The following TRPC3 variants were observed in gnomAD, a reference collection of about 807,000 sequenced individuals.
TRPC3 encodes transient receptor potential cation channel subfamily C member 3, also known as short transient receptor potential channel 3.
TRPC3 carries 54 observed loss-of-function variants against 90.9 expected under a neutral mutation model. The ratio of observed to expected loss-of-function variants is 0.59; its 90% confidence interval spans 0.48 to 0.75. The LOEUF (loss-of-function observed/expected upper bound fraction) is 0.75, where lower values mean the gene tolerates loss of function less well. Among genes scored for constraint, TRPC3 ranks in the 30% least tolerant of loss-of-function variants. TRPC3 has a pLI of 0.00. For missense variants in TRPC3, 918 were observed against 1,194.5 expected (o/e 0.77, Z 3.41); for synonymous variants, 424 against 450.9 (o/e 0.94, Z 0.75).
intron 10 of TRPC3, among the ~76,000 whole-genome samples, chr4:121,891,952 C>T (rs983565117): frequency 7.9e-5 from 12 of 152,106 alleles, no homozygotes; most frequent in African/African-American, 2.7e-4. Context: ...ATAAATAATC[C>T]TTTTTTCCCC....
At chr4:121,894,511 T>C (rs1209362426) in intron 10 of TRPC3, among the ~76,000 whole-genome samples, 1 of 149,814 alleles carries the variant, frequency 6.7e-6, no homozygotes, top group East Asian at 2.0e-4. Context: ...ACCAAAAATA[T>C]ATTTACAGAA....
intron 10 of TRPC3, among the ~76,000 whole-genome samples, chr4:121,889,827 A>G (rs1398333732): frequency 6.6e-6 from 1 of 152,226 alleles, no homozygotes; most frequent in African/African-American, 2.4e-5. Context: ...ATATACCCAA[A>G]GGAAATGAAA....
At chr4:121,940,270 CCTAAT>C (rs1275560067) in intron 1 of TRPC3, among the ~76,000 whole-genome samples, 3 of 152,130 alleles carry the variant, frequency 2.0e-5, no homozygotes, top group African/African-American at 7.2e-5. Flanking sequence ...GACTTAATTG[CCTAAT>C]TTATTGATTG....
chr4:121,911,692 T>C (rs1040051989), intron 5 of TRPC3, among the ~76,000 whole-genome samples, 185 bp downstream of exon 5: 3 of 152,194 alleles, frequency 2.0e-5, no homozygotes, highest in Admixed American at 1.3e-4. Flanking sequence ...TATGTAGTGT[T>C]AAGGGACACC....
chr4:121,923,982 C>G (rs1181353570), intron 3 of TRPC3, among the ~76,000 whole-genome samples: 1 of 151,566 alleles, frequency 6.6e-6, no homozygotes, highest in Non-Finnish European at 1.5e-5. Context: ...TGAAACATAA[C>G]TACAATTTTT....
In TRPC3 at chr4:121,894,064, G is replaced by C. The variant is rs146441061; in HGVS notation, c.2547+5548C>G. Among the ~76,000 whole-genome samples the C allele has an allele frequency of 4.0e-3, 608 of 152,148 alleles. 6 individuals carry two copies. The highest frequency in any genetic ancestry group is 0.014 in the African/African-American group (583 of 41,534). On this transcript the variant is annotated intron_variant, in intron 10 of 11. Transcript: ENST00000379645. ...TTAAAATTCAAATATACTTTAACCA[G>C]ACAATTCCATGTATTTGTTCATGAT...
In TRPC3 at chr4:121,951,568, C is replaced by G; in HGVS notation, c.113G>C (p.Arg38Pro). The G allele has an allele frequency of 6.9e-7, 1 of 1,446,404 alleles. No homozygotes were observed. Among genetic ancestry groups the G allele is most frequent in the Non-Finnish European group, 9.1e-7 (1 of 1,095,802 alleles). 89.6% of individuals were successfully genotyped at this position (1,446,404 alleles called of 1,614,324 possible). A position where few individuals can be genotyped will look rare whatever the true frequency, so the allele number is the denominator to read the frequency against. Residue 38 changes from arginine to proline, a missense_variant, in exon 1 of 12, where the codon CGG becomes CCG. Arg to Pro is a moderately radical substitution (Grantham distance 103). Coordinates refer to ENST00000379645, the MANE Select transcript of TRPC3 (RefSeq NM_001130698.2). The surrounding 1 kb of genome is among the most constrained non-coding windows in gnomAD (Gnocchi z 4.4). Reference protein sequence around the residue: ...DEGAEPQRRRRGWRGVNGGLE... With the variant: ...DEGAEPQRRRPGWRGVNGGLE... ...CCCCCCGTTGACGCCCCTCCAGCCC[C>G]GGCGGCGGCGCTGCGGCTCCGCGCC...
intron 3 of TRPC3, among the ~76,000 whole-genome samples, chr4:121,922,191 G>T (rs1484442034): frequency 6.6e-6 from 1 of 152,034 alleles, no homozygotes; most frequent in Non-Finnish European, 1.5e-5. Flanking sequence ...CAAAGTGCTG[G>T]GATTACAGGT....
chr4:121,940,093 G>A (rs996238859), intron 1 of TRPC3, among the ~76,000 whole-genome samples: 1 of 152,166 alleles, frequency 6.6e-6, no homozygotes, highest in Non-Finnish European at 1.5e-5. Context: ...AGGCCACTGA[G>A]ACTCTGAGCC....
intron 11 of TRPC3, among the ~76,000 whole-genome samples, chr4:121,881,194 C>T (rs1727930704): frequency 6.6e-6 from 1 of 152,136 alleles, no homozygotes; most frequent in East Asian, 1.9e-4. Flanking sequence ...ATTCAGGAAA[C>T]ACAAGTTACT....
intron 11 of TRPC3, among the ~76,000 whole-genome samples, chr4:121,881,954 G>A (rs991579809): frequency 2.0e-5 from 3 of 152,068 alleles, no homozygotes; most frequent in Non-Finnish European, 4.4e-5. Flanking sequence ...TAAAACAGAG[G>A]TTTTCCTGAA....
intron 1 of TRPC3, among the ~76,000 whole-genome samples, chr4:121,942,784 A>G (rs1730364156): frequency 6.6e-6 from 1 of 152,188 alleles, no homozygotes; most frequent in African/African-American, 2.4e-5. Flanking sequence ...AAAAGCAAAC[A>G]GCTACCTAAC....
At position 121,951,676 on chromosome 4, in the gene TRPC3, G is replaced by T. The variant is rs1193319891; in HGVS notation, c.5C>A (p.Ser2Tyr). The T allele has an allele frequency of 1.5e-6, 2 of 1,328,550 alleles. No individual in the cohort carries two copies. Among genetic ancestry groups the T allele is most frequent in the Non-Finnish European group, 1.9e-6 (2 of 1,029,884 alleles). 82.3% of individuals were successfully genotyped at this position (1,328,550 alleles called of 1,614,324 possible). M[S>Y]TKVRKCKEQA... ...TTCTTTGCACTTCCTGACCTTGGTG[G>T]ACATCGCGCCGGCTGCGGTCCGAGT... Residue 2 changes from serine to tyrosine, a missense_variant, in exon 1 of 12, where the codon TCC (serine) becomes TAC (tyrosine). This residue lies in a region of TRPC3 where 609 missense variants were observed against 725.9 expected (regional missense o/e 0.84). Transcript: ENST00000379645. This position sits in a 1 kb window ranked among gnomAD's most constrained non-coding sequence, Gnocchi z 4.4.
Position 121,875,726 on chromosome 4 carries a change from C to G in TRPC3, c.*4010G>C, listed in dbSNP as rs546018460. ...AACAACTTATGGCTAAAAATAAAAG[C>G]AATTTAAACTGCATTAAAGTTAAAA... On this transcript the variant is annotated 3_prime_UTR_variant, in exon 12 of 12. Transcript: ENST00000379645. Among the ~76,000 whole-genome samples, 1 of 152,048 alleles carries G rather than the reference C, an allele frequency of 6.6e-6. No homozygotes were observed. The highest frequency in any genetic ancestry group is 2.4e-5 in the African/African-American group (1 of 41,472).
intron 7 of TRPC3, among the ~76,000 whole-genome samples, chr4:121,905,926 T>C (rs556309318): frequency 6.6e-6 from 1 of 152,218 alleles, no homozygotes; most frequent in Non-Finnish European, 1.5e-5. Context: ...AATCTTTTTG[T>C]TCCTACCATT....
chr4:121,945,385 C>A (rs1160225043), intron 1 of TRPC3, among the ~76,000 whole-genome samples: 1 of 152,156 alleles, frequency 6.6e-6, no homozygotes, highest in Admixed American at 6.5e-5. Context: ...AATTGCAACA[C>A]AAATTTCATC....
chr4:121,908,484 C>T (rs1441996138), intron 6 of TRPC3, among the ~76,000 whole-genome samples: 1 of 152,110 alleles, frequency 6.6e-6, no homozygotes, highest in African/African-American at 2.4e-5. Flanking sequence ...CCTAGGTGCT[C>T]ATCAACAGTG....
chr4:121,938,357 A>T (rs77139649), intron 1 of TRPC3, among the ~76,000 whole-genome samples: 4,399 of 152,276 alleles, frequency 0.029, 192 homozygotes, highest in African/African-American at 0.1. Flanking sequence ...TTTCAAGGTC[A>T]TCTATGACTC....
At chr4:121,914,560 T>C (rs1353162109) in intron 4 of TRPC3, among the ~76,000 whole-genome samples, 2 of 151,926 alleles carry the variant, frequency 1.3e-5, no homozygotes, top group Non-Finnish European at 2.9e-5. Context: ...AAAGCCTAAG[T>C]ACTTTATGCC....
Sources: gnomAD v4.1 joint callset for allele counts (sites outside exome capture counted in the v4.1 genomes callset) on GRCh38, gnomAD v4.1.1 for gene constraint, gnomAD v4.1.1 regional missense constraint, Gnocchi (gnomAD v3.1) non-coding constraint, MANE v1.5 for transcripts, NCBI Gene and HGNC (gene_info 2026-07-23, HGNC 2026-07-21) for gene names.